Variants in CRISPLD2 observed in about 807,000 individuals in gnomAD.
CRISPLD2 encodes the protein cysteine rich secretory protein LCCL domain containing 2.
In CRISPLD2, 47 loss-of-function variants were observed where a neutral mutation model predicts 71.1. That is an observed-to-expected ratio of 0.66 (90% confidence interval 0.52 to 0.84). The LOEUF is 0.84. Among genes scored for constraint, CRISPLD2 ranks in the 40% least tolerant of loss-of-function variants. CRISPLD2 has a pLI of 0.00. For missense variants in CRISPLD2, 830 were observed against 651.1 expected, an observed-to-expected ratio of 1.27 and a Z score of -2.99; for synonymous variants, 317 against 250.1, an observed-to-expected ratio of 1.27 and a Z score of -2.52.
At chr16:84,824,241 C>G (rs1916297633) in intron 1 of CRISPLD2, among the ~76,000 whole-genome samples, 1 of 152,128 alleles carries the variant, frequency 6.6e-6, no homozygotes, top group African/African-American at 2.4e-5. Flanking sequence ...TGCCTGTAGT[C>G]TACGAGCCAG....
chr16:84,879,104 C>T (rs951537689), intron 12 of CRISPLD2, among the ~76,000 whole-genome samples: 1 of 152,214 alleles, frequency 6.6e-6, no homozygotes, highest in Non-Finnish European at 1.5e-5. Context: ...TTTCCCTTGA[C>T]TGCCACCCCA....
rs988854865 is a variant in CRISPLD2 at position 84,908,312 on chromosome 16, G to C, written c.*1670G>C. 10 of 152,210 alleles carry C rather than the reference G, an allele frequency of 6.6e-5. No homozygotes were observed. Among genetic ancestry groups the C allele is most frequent in the African/African-American group, 2.4e-4 (10 of 41,446 alleles). 9.4% of individuals were successfully genotyped at this position (152,210 alleles called of 1,614,324 possible). A position where few individuals can be genotyped will look rare whatever the true frequency, so the allele number is the denominator to read the frequency against. ...CATTGTAGTCTAGTCGTAATTCATA[G>C]GTACTGACTCCTCAGCCCCAAATGT... On this transcript the variant is annotated 3_prime_UTR_variant, in exon 15 of 15. Transcript: ENST00000262424.
At chr16:84,893,434 C>T (rs1055819835) in intron 14 of CRISPLD2, among the ~76,000 whole-genome samples, 2 of 152,190 alleles carry the variant, frequency 1.3e-5, no homozygotes, top group Non-Finnish European at 2.9e-5. Flanking sequence ...TCCAGGAATT[C>T]ATTCTTTCAT....
chr16:84,887,954 C>T (rs938153955), intron 13 of CRISPLD2, among the ~76,000 whole-genome samples: 1 of 152,188 alleles, frequency 6.6e-6, no homozygotes, highest in Non-Finnish European at 1.5e-5. Flanking sequence ...TCGCTAGATC[C>T]ACCCACAGTG....
At chr16:84,858,084 C>A (rs952524120) in intron 6 of CRISPLD2, among the ~76,000 whole-genome samples, 4 of 152,180 alleles carry the variant, frequency 2.6e-5, no homozygotes, top group Non-Finnish European at 4.4e-5. Context: ...CAGAAGATGG[C>A]AGGGCCTTAC....
intron 1 of CRISPLD2, chr16:84,828,867 T>G (rs1916419067): frequency 1.3e-5 from 2 of 152,188 alleles, no homozygotes; most frequent in Admixed American, 1.3e-4. Context: ...GATTTTTTGC[T>G]CAATTAAGCA....
At chr16:84,885,114 G>T (rs368750032) in intron 13 of CRISPLD2, among the ~76,000 whole-genome samples, 14 of 152,350 alleles carry the variant, frequency 9.2e-5, no homozygotes, top group Admixed American at 5.2e-4. Context: ...AACGCTGACA[G>T]TGGGACCCAA....
At chr16:84,889,415 C>T (rs763101235) in intron 14 of CRISPLD2, 52 bp downstream of exon 14, 1 of 1,560,900 alleles carries the variant, frequency 6.4e-7, no homozygotes, top group African/African-American at 1.4e-5. Context: ...GCTAATGGTC[C>T]CTCAGGGGGC....
intron 9 of CRISPLD2, 129 bp from the exon 10 acceptor site, chr16:84,872,863 G>T (rs530342677): frequency 5.1e-6 from 6 of 1,180,262 alleles, no homozygotes; most frequent in Non-Finnish European, 7.2e-6. Context: ...CGAGAGGCAG[G>T]AGCAGAGTGA....
intron 8 of CRISPLD2, among the ~76,000 whole-genome samples, chr16:84,870,738 C>T (rs1471267290): frequency 6.6e-6 from 1 of 152,222 alleles, no homozygotes; most frequent in Non-Finnish European, 1.5e-5. Context: ...TTGCCACCTG[C>T]TGGCTTATTT....
intron 14 of CRISPLD2, among the ~76,000 whole-genome samples, chr16:84,905,481 A>T (rs562711216): frequency 6.7e-6 from 1 of 148,518 alleles, no homozygotes; most frequent in Admixed American, 6.7e-5. Flanking sequence ...CTCACTGCAC[A>T]CTCCACCTCC....
chr16:84,909,008 T>C lies in CRISPLD2; in HGVS notation c.*2366T>C, dbSNP rs1479281618. 1 of 152,128 alleles carries C rather than the reference T, an allele frequency of 6.6e-6. No homozygotes were observed. Among genetic ancestry groups the C allele is most frequent in the Non-Finnish European group, 1.5e-5 (1 of 68,038 alleles). The allele number at this position is 152,128 out of a possible 1,614,324, so 9.4% of individuals were successfully genotyped here. ...CCGGCCATGGACCTGGCTGTCTTTA[T>C]CATCCCCACAAACATTTTGAAACTG... On this transcript the variant is annotated 3_prime_UTR_variant, in exon 15 of 15. Coordinates refer to ENST00000262424, the MANE Select transcript of CRISPLD2 (RefSeq NM_031476.4).
intron 14 of CRISPLD2, among the ~76,000 whole-genome samples, chr16:84,902,840 C>G (rs145971478): frequency 0.011 from 1,439 of 128,068 alleles, 17 homozygotes; most frequent in South Asian, 0.073. Context: ...GTGGCGTGAT[C>G]TCGCTCACCG....
At chr16:84,854,593 T>G in intron 5 of CRISPLD2, 136 bp from the exon 6 acceptor site, 1 of 683,864 alleles carries the variant, frequency 1.5e-6, no homozygotes, top group Non-Finnish European at 2.7e-6. Flanking sequence ...TCTTTCCCGC[T>G]TCCCACAGCA....
chr16:84,901,862 C>T (rs1418751388), intron 14 of CRISPLD2, among the ~76,000 whole-genome samples: 6 of 134,004 alleles, frequency 4.5e-5, no homozygotes, highest in Non-Finnish European at 9.3e-5. Context: ...GGTGTGATCT[C>T]GGCTCGTTGT....
intron 11 of CRISPLD2, 132 bp from the exon 12 acceptor site, chr16:84,877,306 G>C (rs2641662): frequency 0.78 from 555,605 of 713,088 alleles, 219,389 homozygotes; most frequent in East Asian, 0.97. Context: ...CTGCTGGGTC[G>C]TAGTCCCAGC....
At chr16:84,849,299 C>G (rs1567686473) in intron 3 of CRISPLD2, 86 bp from the exon 4 acceptor site, 2 of 1,367,912 alleles carry the variant, frequency 1.5e-6, no homozygotes. Flanking sequence ...CGGCCTCCCT[C>G]CCTCCTACCT....
At chr16:84,895,066 C>A (rs578165426) in intron 14 of CRISPLD2, among the ~76,000 whole-genome samples, 2 of 152,266 alleles carry the variant, frequency 1.3e-5, no homozygotes, top group South Asian at 4.1e-4. Context: ...CAGGCAGGTT[C>A]CCCTCCTCCA....
intron 14 of CRISPLD2, among the ~76,000 whole-genome samples, chr16:84,900,926 C>T (rs946352483): frequency 1.6e-4 from 24 of 151,554 alleles, no homozygotes; most frequent in African/African-American, 4.8e-4. Context: ...GGTATGCACC[C>T]GTGGTCCCAG....
Sources: allele counts gnomAD v4.1 joint callset (sites outside exome capture counted in the v4.1 genomes callset), GRCh38; gene constraint gnomAD v4.1.1; transcripts MANE v1.5; gene names NCBI Gene and HGNC (gene_info 2026-07-23, HGNC 2026-07-21).